Variants in TP53BP1 observed in about 807,000 individuals in gnomAD.
The protein encoded by TP53BP1 is tumor protein p53 binding protein 1, also known as TP53-binding protein 1.
A neutral mutation model predicts 200.8 loss-of-function variants in TP53BP1; 61 were observed. The ratio of observed to expected loss-of-function variants is 0.30; its 90% CI spans 0.25 to 0.38. TP53BP1 has a LOEUF of 0.38. Ranked by LOEUF, TP53BP1 falls within the 10% of genes least tolerant of loss-of-function variation. The pLI is 1.00. For synonymous variants in TP53BP1, 822 were observed against 844.3 expected, an observed-to-expected ratio of 0.97 and a Z score of 0.46; for missense variants, 2,144 against 2,371.9, an observed-to-expected ratio of 0.90 and a Z score of 2.00.
chr15:43,499,013 C>T (rs888658675), intron 1 of TP53BP1, among the ~76,000 whole-genome samples: 1 of 148,616 alleles, frequency 6.7e-6, no homozygotes, highest in Non-Finnish European at 1.5e-5. Flanking sequence ...TTAAAAACAA[C>T]AACAACAAAA....
chr15:43,421,085 G>A lies in TP53BP1; in HGVS notation c.4190C>T (p.Pro1397Leu), dbSNP rs1228866676. 6.2e-7 allele frequency: 1 copy of A among 1,614,224 alleles called. No individual in the cohort carries two copies. The highest frequency in any genetic ancestry group is 1.7e-5 in the Admixed American group (1 of 60,026). ...TCGCCCACGCCCACGAGGCGTGACT[G>A]GAGCCTTCCCTCCCTGTCTGATGCC... is the stretch of plus-strand genomic sequence containing the variant. ...GLGIRQGGKA[P>L]VTPRGRGRRG... The change falls in exon 20 of 28, where the codon CCA (proline) becomes CTA (leucine). Residue 1397 changes from proline to leucine, a missense_variant. This residue lies in a region of TP53BP1 where 1,700 missense variants were observed against 1,710.3 expected (regional missense o/e 0.99). Transcript: ENST00000382044.
chr15:43,445,013 G>C (rs2046009776), intron 14 of TP53BP1, among the ~76,000 whole-genome samples: 1 of 152,090 alleles, frequency 6.6e-6, no homozygotes, highest in Non-Finnish European at 1.5e-5. Flanking sequence ...TCCAATAGTG[G>C]AACACTAGGC....
chr15:43,450,602 T>C (rs2046143334), intron 12 of TP53BP1, among the ~76,000 whole-genome samples: 1 of 152,218 alleles, frequency 6.6e-6, no homozygotes, highest in South Asian at 2.1e-4. Flanking sequence ...CACCAAATAT[T>C]TGTTCTGTGT....
At chr15:43,431,417 T>A (rs927791780) in intron 17 of TP53BP1, among the ~76,000 whole-genome samples, 4 of 149,778 alleles carry the variant, frequency 2.7e-5, no homozygotes, top group Non-Finnish European at 6.0e-5. Flanking sequence ...ATCTACTCAA[T>A]TTTTTTTTTA....
rs1462748563 is a variant in TP53BP1, at chr15:43,404,596, C to T, written c.*2787G>A. On this transcript the variant is annotated 3_prime_UTR_variant, in exon 28 of 28. Transcript: ENST00000382044. ...TAACTCAGTAGACTTTTTAAGGTGG[C>T]TTTTTAATGAGTTGTAGAATTCTAG... is the stretch of plus-strand genomic sequence containing the variant. The T allele has an allele frequency of 1.2e-6, 2 of 1,600,080 alleles. No individual in the cohort carries two copies. Among genetic ancestry groups the T allele is most frequent in the Admixed American group, 3.5e-5 (2 of 57,572 alleles).
rs2045921708 is a variant in TP53BP1 at position 43,441,360 on chromosome 15, G to C, written c.3098+166C>G. 1.3e-5 allele frequency: 7 copies of C among 529,674 alleles called. No homozygotes were observed. The East Asian group carries it at 1.7e-4, about 13-fold the overall frequency. The allele number at this position is 529,674 out of a possible 1,614,324, so 32.8% of individuals were successfully genotyped here. On this transcript the variant is annotated intron_variant, in intron 15 of 27. Coordinates refer to ENST00000382044, the MANE Select transcript of TP53BP1 (RefSeq NM_001141980.3). ...AAAAAGCTTCACTGAACTTAAAAAA[G>C]TATTAACTAAAAAGTCTATGATCCA...
intron 10 of TP53BP1, among the ~76,000 whole-genome samples, chr15:43,470,679 A>G (rs1328389854): frequency 1.3e-5 from 2 of 152,190 alleles, no homozygotes; most frequent in East Asian, 3.9e-4. Context: ...CACACACACA[A>G]AACACAAAAC....
intron 14 of TP53BP1, among the ~76,000 whole-genome samples, chr15:43,445,186 C>T (rs1451882061): frequency 6.6e-6 from 1 of 152,162 alleles, no homozygotes; most frequent in Admixed American, 6.5e-5. Flanking sequence ...ATCTCCTCTT[C>T]CTCATCCTTC....
At chr15:43,492,890 T>TCCCCACCCCCCCCCTAGGGCCC in intron 1 of TP53BP1, 147 bp downstream of exon 1, 1 of 885,678 alleles carries the variant, frequency 1.1e-6, no homozygotes, top group Non-Finnish European at 1.7e-6. Context: ...AGCTAACGTT[T>TCCCCACCCCCCCCCTAGGGCCC]CCCCACCCCC....
Position 43,492,026 on chromosome 15 carries a change from G to C in TP53BP1, c.262C>G (p.His88Asp). The C allele has an allele frequency of 6.2e-7, 1 of 1,613,752 alleles. No individual in the cohort carries two copies. Among genetic ancestry groups the C allele is most frequent in the South Asian group, 1.1e-5 (1 of 91,072 alleles). The change falls in exon 3 of 28, where the codon CAT becomes GAT. Residue 88 changes from histidine to aspartate, a missense_variant. Transcript: ENST00000382044. Reference protein sequence around the residue: ...RGDGNSGFNEHLKENKVADPV... With the variant: ...RGDGNSGFNEDLKENKVADPV... Reference sequence around the variant, plus strand: ...CCTGCAACCTTGTTTTCTTTCAAATGTTCATTGAACCCACTATTACCGTCT... The same window carrying C: ...CCTGCAACCTTGTTTTCTTTCAAATCTTCATTGAACCCACTATTACCGTCT...
intron 12 of TP53BP1, among the ~76,000 whole-genome samples, chr15:43,449,779 A>G (rs192538215): frequency 6.6e-6 from 1 of 152,334 alleles, no homozygotes; most frequent in East Asian, 1.9e-4. Flanking sequence ...CTAGAAGACA[A>G]ATTCCCAACT....
chr15:43,473,897 G>A (rs748369774), intron 10 of TP53BP1, among the ~76,000 whole-genome samples: 1 of 152,238 alleles, frequency 6.6e-6, no homozygotes, highest in East Asian at 1.9e-4. Context: ...TTGGGTGGTC[G>A]ATGGGACTAG....
rs924526402 is a variant in TP53BP1, at chr15:43,403,551, G to A, written c.*3832C>T. 5.9e-6 allele frequency: 4 copies of A among 673,770 alleles called. No homozygotes were observed. 41.7% of individuals were successfully genotyped at this position (673,770 alleles called of 1,614,324 possible). ...GGGCTGGCAGGCCTTGCACGTGGCA[G>A]TGTCTATCCTGTCAGATTTGGGAGG... is the stretch of plus-strand genomic sequence containing the variant. On this transcript the variant is annotated 3_prime_UTR_variant, in exon 28 of 28. Coordinates refer to ENST00000382044, the MANE Select transcript of TP53BP1 (RefSeq NM_001141980.3).
intron 12 of TP53BP1, among the ~76,000 whole-genome samples, chr15:43,449,531 T>G (rs2046119845): frequency 6.6e-6 from 1 of 152,236 alleles, no homozygotes; most frequent in Non-Finnish European, 1.5e-5. Context: ...TTTATCTAAC[T>G]GCATTACTAT....
chr15:43,509,905 G>C (rs1251651102), intron 1 of TP53BP1, among the ~76,000 whole-genome samples: 3 of 152,076 alleles, frequency 2.0e-5, no homozygotes, highest in Admixed American at 2.0e-4. Context: ...GGAGCCCTAG[G>C]GTGAAAGATA....
chr15:43,504,016 G>A (rs1454695028), intron 1 of TP53BP1, among the ~76,000 whole-genome samples: 1 of 152,166 alleles, frequency 6.6e-6, no homozygotes, highest in Non-Finnish European at 1.5e-5. Flanking sequence ...CAGGAATGGT[G>A]GCTAAAGCCT....
In TP53BP1 at chr15:43,475,771, A is replaced by C. The variant is rs986069626; in HGVS notation, c.956-77T>G. On this transcript the variant is annotated intron_variant, in intron 8 of 27. Coordinates refer to ENST00000382044, the MANE Select transcript of TP53BP1 (RefSeq NM_001141980.3). Reference sequence around the variant, plus strand: ...CCAAAAACCATTCAGTACTGCAAAGAGTAATATCCATATTTCCAACATATT... The same window carrying C: ...CCAAAAACCATTCAGTACTGCAAAGCGTAATATCCATATTTCCAACATATT... The C allele has an allele frequency of 2.0e-6, 3 of 1,491,742 alleles. No homozygotes were observed. In the Admixed American group the frequency reaches 6.0e-5, roughly 30 times the overall value. 92.4% of individuals were successfully genotyped at this position (1,491,742 alleles called of 1,614,324 possible).
At chr15:43,505,007 G>A (rs961870048) in intron 1 of TP53BP1, among the ~76,000 whole-genome samples, 5 of 152,012 alleles carry the variant, frequency 3.3e-5, no homozygotes, top group Non-Finnish European at 7.4e-5. Context: ...GTGACAGAGC[G>A]AGACTCCGTT....
chr15:43,475,358 T>C (rs1475113710), intron 9 of TP53BP1, among the ~76,000 whole-genome samples: 1 of 152,238 alleles, frequency 6.6e-6, no homozygotes, highest in Non-Finnish European at 1.5e-5. Context: ...AGTGAAACGT[T>C]TGGGCTACTA....
Sources: gnomAD v4.1 joint callset for allele counts (sites outside exome capture counted in the v4.1 genomes callset) on GRCh38, gnomAD v4.1.1 for gene constraint, gnomAD v4.1.1 regional missense constraint, MANE v1.5 for transcripts, NCBI Gene and HGNC (gene_info 2026-07-23, HGNC 2026-07-21) for gene names.